Variants in PCDHA7 observed in about 807,000 individuals in gnomAD.
PCDHA7 encodes protocadherin alpha-7.
Under a neutral mutation model 57.2 loss-of-function variants are expected in PCDHA7, and 37 were observed. The ratio of observed to expected loss-of-function variants is 0.65; its 90% CI spans 0.50 to 0.85. The LOEUF is 0.85. PCDHA7 is among the 40% of genes least tolerant of loss of function. PCDHA7 has a pLI of 0.00. For missense variants in PCDHA7, 1,188 were observed against 1,241.8 expected (o/e 0.96, Z 0.65); for synonymous variants, 553 against 558.8 (o/e 0.99, Z 0.15).
In PCDHA7 at chr5:140,928,656, T is replaced by A. The variant is rs116598649; in HGVS notation, c.2356-50293T>A. ...TCACAAAAGTGGTAGCAGAGGATGC[T>A]GACAGTGGTTCTAATGCCTGGCTTT... On this transcript the variant is annotated intron_variant, in intron 1 of 3. Transcript: ENST00000525929. 5,180 of 1,614,228 alleles carry A rather than the reference T, an allele frequency of 3.2e-3. 26 individuals are homozygous for A. Among genetic ancestry groups the A allele is most frequent in the African/African-American group, 0.019 (1,449 of 75,056 alleles).
intron 1 of PCDHA7, among the ~76,000 whole-genome samples, chr5:140,901,492 C>T (rs548353886): frequency 1.3e-5 from 2 of 152,234 alleles, no homozygotes; most frequent in South Asian, 2.1e-4. Flanking sequence ...GCACCTTCAT[C>T]GAAAATGAGT....
chr5:140,935,389 C>T (rs559765340), intron 1 of PCDHA7, among the ~76,000 whole-genome samples: 20 of 152,288 alleles, frequency 1.3e-4, no homozygotes, highest in African/African-American at 4.8e-4. Flanking sequence ...CATTTGTTAT[C>T]CCACGGGACT....
chr5:141,010,293 G>T lies in PCDHA7; in HGVS notation c.*356G>T. 6.5e-7 allele frequency: 1 copy of T among 1,549,794 alleles called. No homozygotes were observed. Among genetic ancestry groups the T allele is most frequent in the Non-Finnish European group, 8.7e-7 (1 of 1,146,454 alleles). On this transcript the variant is annotated 3_prime_UTR_variant, in exon 4 of 4. Coordinates refer to ENST00000525929, the MANE Select transcript of PCDHA7 (RefSeq NM_018910.3). ...ATCCTGTCTTGATGACACTTGCAGG[G>T]CAGGCTGAAAAGTTTTGAGATTGAG...
rs782755765 is a variant in PCDHA7, at chr5:140,869,235, C to T, written c.2355+32497C>T. On this transcript the variant is annotated intron_variant, in intron 1 of 3. Coordinates refer to ENST00000525929, the MANE Select transcript of PCDHA7 (RefSeq NM_018910.3). ...CGGAGGAGGCCAAACACGGCACCTT[C>T]GTGGGCCGCATCGCGCAGGACCTGG... is the stretch of plus-strand genomic sequence containing the variant. 1.2e-5 allele frequency: 19 copies of T among 1,613,568 alleles called. No homozygotes were observed. The South Asian group carries it at 1.5e-4, about 13-fold the overall frequency.
At chr5:140,982,823 G>A (rs1187029355) in intron 3 of PCDHA7, among the ~76,000 whole-genome samples, 2 of 151,450 alleles carry the variant, frequency 1.3e-5, no homozygotes, top group South Asian at 2.1e-4. Context: ...GAAGTTTTTG[G>A]GGTTTGTTTG....
intron 1 of PCDHA7, chr5:140,871,045 G>C: frequency 6.2e-7 from 1 of 1,613,386 alleles, no homozygotes; most frequent in African/African-American, 1.3e-5. Context: ...CCGACTTCTA[G>C]TACTGGTGAA....
intron 1 of PCDHA7, chr5:140,857,428 G>C (rs782142394): frequency 1.9e-6 from 3 of 1,598,342 alleles, no homozygotes; most frequent in East Asian, 2.2e-5. Context: ...CCGAGTACAC[G>C]GTGTTCGTGA....
intron 1 of PCDHA7, among the ~76,000 whole-genome samples, chr5:140,923,034 C>T (rs1252133915): frequency 6.6e-6 from 1 of 152,174 alleles, no homozygotes; most frequent in Non-Finnish European, 1.5e-5. Context: ...TCTATTACTA[C>T]ATGTATAGTA....
chr5:140,897,340 C>T, intron 1 of PCDHA7, among the ~76,000 whole-genome samples: 1 of 122,942 alleles, frequency 8.1e-6, no homozygotes, highest in Non-Finnish European at 1.6e-5. Context: ...CCCCTCCCCC[C>T]ACCCCACAAC....
At chr5:140,981,332 G>A (rs1407839547) in intron 2 of PCDHA7, among the ~76,000 whole-genome samples, 1 of 152,182 alleles carries the variant, frequency 6.6e-6, no homozygotes, top group Non-Finnish European at 1.5e-5. Context: ...CCAGCACTTT[G>A]GGAGGGTGAG....
intron 1 of PCDHA7, chr5:140,856,366 G>A (rs1388631411): frequency 1.3e-6 from 2 of 1,598,482 alleles, no homozygotes; most frequent in Admixed American, 1.7e-5. Context: ...TCCACCTGGA[G>A]GTGATCGTGG....
At chr5:141,001,025 TA>T (rs1300694860) in intron 3 of PCDHA7, among the ~76,000 whole-genome samples, 1 of 152,246 alleles carries the variant, frequency 6.6e-6, no homozygotes, top group African/African-American at 2.4e-5. Context: ...ACACTTATAA[TA>T]ATAGCTTTAA....
chr5:140,917,030 G>A (rs1220107705), intron 1 of PCDHA7, among the ~76,000 whole-genome samples: 3 of 152,164 alleles, frequency 2.0e-5, no homozygotes, highest in Non-Finnish European at 4.4e-5. Context: ...GCTGCTGGCT[G>A]AGTCCAGCAC....
chr5:140,909,249 G>A (rs1180498257), intron 1 of PCDHA7, among the ~76,000 whole-genome samples: 1 of 152,196 alleles, frequency 6.6e-6, no homozygotes, highest in Non-Finnish European at 1.5e-5. Flanking sequence ...TATATTGCTG[G>A]CCTTGCTGAC....
intron 1 of PCDHA7, among the ~76,000 whole-genome samples, chr5:140,924,437 T>C (rs2081836231): frequency 6.6e-6 from 1 of 152,206 alleles, no homozygotes; most frequent in Non-Finnish European, 1.5e-5. Flanking sequence ...CTAGAAGAGA[T>C]AACGAATGGG....
chr5:140,838,352 G>A (rs908927118), intron 1 of PCDHA7, among the ~76,000 whole-genome samples: 1 of 150,310 alleles, frequency 6.7e-6, no homozygotes, highest in African/African-American at 2.5e-5. Flanking sequence ...TCGAAATCTG[G>A]GACTCAAGTG....
intron 2 of PCDHA7, among the ~76,000 whole-genome samples, chr5:140,981,266 A>C (rs1355658823): frequency 6.6e-6 from 1 of 152,166 alleles, no homozygotes; most frequent in Non-Finnish European, 1.5e-5. Context: ...AAGATAAGCA[A>C]ATGTCTAGTT....
chr5:140,990,148 A>T (rs1236453414), intron 3 of PCDHA7, among the ~76,000 whole-genome samples: 1 of 152,146 alleles, frequency 6.6e-6, no homozygotes, highest in African/African-American at 2.4e-5. Flanking sequence ...AGGCATAATA[A>T]TAGAAAGTTA....
intron 1 of PCDHA7, chr5:140,884,546 T>C (rs1554181711): frequency 6.2e-7 from 1 of 1,614,082 alleles, no homozygotes; most frequent in Non-Finnish European, 8.5e-7. Flanking sequence ...GAGGGTGTGC[T>C]CTGGGGAGGG....
Sources: gnomAD v4.1 joint callset for allele counts (sites outside exome capture counted in the v4.1 genomes callset) on GRCh38, gnomAD v4.1.1 for gene constraint, MANE v1.5 for transcripts, NCBI Gene and HGNC (gene_info 2026-07-23, HGNC 2026-07-21) for gene names.